NSMCE2: variants seen among roughly 807,000 people sequenced by gnomAD.
NSMCE2 encodes the protein NSE2 SUMO ligase component of SMC5/6 complex, also known as E3 SUMO-protein ligase NSE2.
NSMCE2 carries 24 observed loss-of-function variants against 23.8 expected under a neutral mutation model. The ratio of observed to expected loss-of-function variants is 1.01; its 90% CI spans 0.73 to 1.42. The LOEUF is 1.42. NSMCE2 is among the 40% of genes most tolerant of loss of function. The pLI, the probability that NSMCE2 is intolerant of heterozygous loss-of-function variation, is 0.00. For synonymous variants in NSMCE2, 92 were observed against 94.1 expected, an observed-to-expected ratio of 0.98 and a Z score of 0.13; for missense variants, 284 against 296.5, an observed-to-expected ratio of 0.96 and a Z score of 0.31.
chr8:125,161,108 C>A (rs1181013381), intron 4 of NSMCE2, among the ~76,000 whole-genome samples: 1 of 152,096 alleles, frequency 6.6e-6, no homozygotes, highest in Non-Finnish European at 1.5e-5. Context: ...AGGAAAAGTT[C>A]TTTCATTGTG....
chr8:125,362,629 C>T (rs1448510239), intron 7 of NSMCE2, among the ~76,000 whole-genome samples: 2 of 152,220 alleles, frequency 1.3e-5, no homozygotes, highest in African/African-American at 4.8e-5. Flanking sequence ...AACTGAGGCA[C>T]AGAGAATTTA....
At chr8:125,341,897 G>GAAAA (rs61204647) in intron 5 of NSMCE2, among the ~76,000 whole-genome samples, 2 of 83,238 alleles carry the variant, frequency 2.4e-5, no homozygotes, top group African/African-American at 4.3e-5. Context: ...TCTAGAAATG[G>GAAAA]AAAAAAAAAA....
chr8:125,115,402 G>A (rs1450002902), intron 3 of NSMCE2, among the ~76,000 whole-genome samples: 2 of 152,212 alleles, frequency 1.3e-5, no homozygotes, highest in East Asian at 1.9e-4. Flanking sequence ...TTCTCCACCA[G>A]TGAGATTCCA....
At chr8:125,143,517 G>A (rs577088087) in intron 3 of NSMCE2, among the ~76,000 whole-genome samples, 1 of 152,206 alleles carries the variant, frequency 6.6e-6, no homozygotes. Context: ...GAGTCATGTT[G>A]AATTGGAGTC....
intron 5 of NSMCE2, among the ~76,000 whole-genome samples, chr8:125,301,918 C>T (rs1016757013): frequency 1.3e-5 from 2 of 152,114 alleles, no homozygotes; most frequent in East Asian, 3.9e-4. Flanking sequence ...CCAGCCTTAG[C>T]CTTCCAAATG....
intron 5 of NSMCE2, among the ~76,000 whole-genome samples, chr8:125,204,885 C>G (rs1824050454): frequency 6.6e-6 from 1 of 152,190 alleles, no homozygotes; most frequent in African/African-American, 2.4e-5. Flanking sequence ...CGGCCAGTTT[C>G]TACCAGAATG....
intron 5 of NSMCE2, among the ~76,000 whole-genome samples, chr8:125,214,946 C>A (rs1824509306): frequency 6.6e-6 from 1 of 152,244 alleles, no homozygotes; most frequent in South Asian, 2.1e-4. Flanking sequence ...TTTTCAGTAA[C>A]CCTGATGGAA....
At chr8:125,255,576 A>G (rs79545614) in intron 5 of NSMCE2, among the ~76,000 whole-genome samples, 7,674 of 152,174 alleles carry the variant, frequency 0.05, 277 homozygotes, top group South Asian at 0.17. Context: ...AGGAAACAAC[A>G]TGGTGTGCAG....
In NSMCE2 at chr8:125,113,057, TGG is replaced by T. The variant is rs60153673; in HGVS notation, c.157+10580_157+10581del. Reference sequence around the variant, plus strand: ...AAAGTGAATATATATTAACAGAAAATGGGGGGGGGGGTGAGTCAATACCTACA... The same window carrying T: ...AAAGTGAATATATATTAACAGAAAATGGGGGGGGGTGAGTCAATACCTACA... On this transcript the variant is annotated intron_variant, in intron 3 of 7. Coordinates refer to ENST00000287437, the MANE Select transcript of NSMCE2 (RefSeq NM_173685.4). Among the ~76,000 whole-genome samples the T allele has an allele frequency of 4.7e-3, 492 of 105,598 alleles. 4 individuals carry two copies. Among genetic ancestry groups the T allele is most frequent in the South Asian group, 0.014 (41 of 2,946 alleles). The allele number at this position is 105,598 out of a possible 152,430, so 69.3% of individuals were successfully genotyped here.
At chr8:125,286,239 A>C (rs1288284953) in intron 5 of NSMCE2, among the ~76,000 whole-genome samples, 2 of 152,162 alleles carry the variant, frequency 1.3e-5, no homozygotes, top group Non-Finnish European at 2.9e-5. Flanking sequence ...TAACACCACC[A>C]CCAAAAAATT....
At chr8:125,144,295 T>C (rs1820547788) in intron 3 of NSMCE2, among the ~76,000 whole-genome samples, 1 of 152,188 alleles carries the variant, frequency 6.6e-6, no homozygotes, top group South Asian at 2.1e-4. Context: ...AGCACATCAC[T>C]TCTGTCCCTT....
chr8:125,137,073 A>G (rs10102769), intron 3 of NSMCE2, among the ~76,000 whole-genome samples: 12,364 of 150,586 alleles, frequency 0.082, 602 homozygotes, highest in Middle Eastern at 0.29. Context: ...TATTATTTTC[A>G]TGAAATCAAA....
chr8:125,154,894 C>G (rs147207689), intron 4 of NSMCE2, among the ~76,000 whole-genome samples: 5 of 152,096 alleles, frequency 3.3e-5, no homozygotes, highest in African/African-American at 1.2e-4. Context: ...TTGCTTTCTA[C>G]GCTTTTATTA....
intron 3 of NSMCE2, among the ~76,000 whole-genome samples, chr8:125,103,991 C>CTT (rs72031823): frequency 3.4e-5 from 4 of 118,318 alleles, no homozygotes; most frequent in Non-Finnish European, 5.6e-5. Flanking sequence ...ATTTTGTTGT[C>CTT]TTTTTTTTTT....
At chr8:125,256,518 C>A (rs1826423426) in intron 5 of NSMCE2, among the ~76,000 whole-genome samples, 1 of 152,016 alleles carries the variant, frequency 6.6e-6, no homozygotes, top group Non-Finnish European at 1.5e-5. Flanking sequence ...AAATACATGT[C>A]AAAAATTAAA....
intron 5 of NSMCE2, among the ~76,000 whole-genome samples, chr8:125,298,712 T>C (rs573604609): frequency 0.015 from 2,253 of 148,650 alleles, 54 homozygotes; most frequent in African/African-American, 0.047. Context: ...TTTTTTTTTT[T>C]CCCCAGTTTA....
intron 5 of NSMCE2, among the ~76,000 whole-genome samples, chr8:125,286,164 A>T (rs1019123542): frequency 3.9e-5 from 6 of 152,146 alleles, no homozygotes; most frequent in African/African-American, 1.4e-4. Context: ...ATTAATCATC[A>T]GTGAAAGCCA....
At chr8:125,328,958 A>G (rs1829776671) in intron 5 of NSMCE2, among the ~76,000 whole-genome samples, 5 of 152,176 alleles carry the variant, frequency 3.3e-5, no homozygotes. Flanking sequence ...GGCTGCCTGC[A>G]TGAGGCCTGT....
chr8:125,145,399 G>T (rs1029508930), intron 3 of NSMCE2, among the ~76,000 whole-genome samples: 11 of 152,070 alleles, frequency 7.2e-5, no homozygotes, highest in Admixed American at 2.6e-4. Context: ...GTGCGGGGGG[G>T]ATAGCTAGTT....
Sources: gnomAD v4.1 joint callset for allele counts (sites outside exome capture counted in the v4.1 genomes callset) on GRCh38, gnomAD v4.1.1 for gene constraint, MANE v1.5 for transcripts, NCBI Gene and HGNC (gene_info 2026-07-23, HGNC 2026-07-21) for gene names.